ZNF385D: variants seen among roughly 807,000 people sequenced by gnomAD.
The protein encoded by ZNF385D is zinc finger protein 385D, also known as zinc finger protein 659.
In ZNF385D, 15 loss-of-function variants were observed where a neutral mutation model predicts 35.8. That is an observed-to-expected ratio of 0.42 (90% CI 0.28 to 0.64). ZNF385D has a LOEUF of 0.64. Among genes scored for constraint, ZNF385D ranks in the 30% least tolerant of loss-of-function variants. The pLI, the probability that ZNF385D is intolerant of heterozygous loss-of-function variation, is 0.23. For synonymous variants in ZNF385D, 212 were observed against 186.8 expected (o/e 1.13, Z -1.10); for missense variants, 474 against 494.6 (o/e 0.96, Z 0.39).
intron 3 of ZNF385D, among the ~76,000 whole-genome samples, chr3:21,977,912 G>A (rs1193318256): frequency 6.6e-6 from 1 of 152,094 alleles, no homozygotes; most frequent in East Asian, 1.9e-4. Context: ...GTAGAATGCA[G>A]GCTGTTTAAG....
At position 21,641,547 on chromosome 3, in the gene ZNF385D, C is replaced by T. The variant is rs531538190; in HGVS notation, c.165+23339G>A. On this transcript the variant is annotated intron_variant, in intron 2 of 7. Coordinates refer to ENST00000281523, the MANE Select transcript of ZNF385D (RefSeq NM_024697.3). ...TTGTTATACCATTATTACATCTCTC[C>T]GTTCTCTCTATTAACACATATCACC... Among the ~76,000 whole-genome samples the T allele has an allele frequency of 2.5e-3, 377 of 151,496 alleles. 3 individuals carry two copies. Among genetic ancestry groups the T allele is most frequent in the Non-Finnish European group, 3.0e-3 (207 of 67,940 alleles).
At chr3:21,886,281 G>A (rs1451917819) in intron 3 of ZNF385D, among the ~76,000 whole-genome samples, 1 of 151,988 alleles carries the variant, frequency 6.6e-6, no homozygotes, top group African/African-American at 2.4e-5. Flanking sequence ...CTTCCTCTAA[G>A]TCATAGTATA....
At chr3:21,816,601 A>C (rs1445420581) in intron 3 of ZNF385D, among the ~76,000 whole-genome samples, 3 of 152,208 alleles carry the variant, frequency 2.0e-5, no homozygotes, top group African/African-American at 4.8e-5. Context: ...CAAGGAGAAT[A>C]AGATACCTAG....
intron 3 of ZNF385D, among the ~76,000 whole-genome samples, chr3:22,005,055 G>A (rs1463785973): frequency 2.9e-4 from 4 of 13,958 alleles, no homozygotes; most frequent in Admixed American, 1.2e-3. Flanking sequence ...CCACTCAGCA[G>A]CAAAAAAAAA....
At chr3:21,912,760 A>C (rs978602285) in intron 3 of ZNF385D, among the ~76,000 whole-genome samples, 2 of 152,062 alleles carry the variant, frequency 1.3e-5, no homozygotes, top group Non-Finnish European at 2.9e-5. Flanking sequence ...AATTCAAGCT[A>C]CATTTGGACC....
At chr3:21,815,666 T>A (rs981089397) in intron 3 of ZNF385D, among the ~76,000 whole-genome samples, 2 of 152,082 alleles carry the variant, frequency 1.3e-5, no homozygotes, top group African/African-American at 4.8e-5. Flanking sequence ...AATAGCAGGC[T>A]CTGAAATTGA....
rs796380397 is a variant in ZNF385D, at chr3:22,226,169, GTTTCCA to G, written c.107-57140_107-57135del. On this transcript the variant is annotated intron_variant, in intron 2 of 5. Coordinates refer to the ZNF385D transcript ENST00000494108. ...TAAGTACTGTTCATTTTATATCAAT[GTTTCCA>G]TTTCCAAGTTTGATCCTATATAAAA... 3.4e-4 allele frequency among the ~76,000 whole-genome samples: 52 copies of G among 151,822 alleles called. 1 individual carries two copies. The highest frequency in any genetic ancestry group is 1.2e-3 in the African/African-American group (48 of 41,448).
intron 1 of ZNF385D, among the ~76,000 whole-genome samples, chr3:21,724,377 C>T (rs2068664849): frequency 6.7e-6 from 1 of 149,982 alleles, no homozygotes; most frequent in Non-Finnish European, 1.5e-5. Flanking sequence ...GAGTCAAGAC[C>T]CATCAATGTG....
intron 5 of ZNF385D, among the ~76,000 whole-genome samples, chr3:21,434,665 A>C (rs572218554): frequency 1.3e-5 from 2 of 152,258 alleles, no homozygotes; most frequent in Admixed American, 1.3e-4. Flanking sequence ...AACAGCAACT[A>C]TTTATGTGTC....
At position 22,221,188 on chromosome 3, in the gene ZNF385D, TAC is replaced by T. The variant is rs534541608; in HGVS notation, c.107-52155_107-52154del. Among the ~76,000 whole-genome samples, 34 of 152,254 alleles carry T rather than the reference TAC, an allele frequency of 2.2e-4. 1 individual carries two copies. The South Asian group carries it at 6.2e-3, about 28-fold the overall frequency. Reference sequence around the variant, plus strand: ...ACACACAGAAACATATATGCATACCTACACACAGATACATGTATACATACATT... The same window carrying T: ...ACACACAGAAACATATATGCATACCTACACAGATACATGTATACATACATT... On this transcript the variant is annotated intron_variant, in intron 2 of 5. Transcript: ENST00000494108.
intron 3 of ZNF385D, among the ~76,000 whole-genome samples, chr3:22,111,825 C>A (rs1281232537): frequency 6.6e-6 from 1 of 152,154 alleles, no homozygotes; most frequent in African/African-American, 2.4e-5. Context: ...AGCTAACTCA[C>A]TGTTCTATTG....
At chr3:21,800,497 T>A (rs1352671636) in intron 3 of ZNF385D, among the ~76,000 whole-genome samples, 3 of 152,164 alleles carry the variant, frequency 2.0e-5, no homozygotes, top group Admixed American at 1.3e-4. Flanking sequence ...TAAAAGCTGG[T>A]CATACTGGCA....
chr3:21,566,051 A>G (rs1347040933), intron 2 of ZNF385D, among the ~76,000 whole-genome samples: 1 of 152,076 alleles, frequency 6.6e-6, no homozygotes, highest in Admixed American at 6.6e-5. Context: ...CACAACTCCT[A>G]TTAGGTTGTC....
At chr3:21,907,952 A>C (rs1302436343) in intron 3 of ZNF385D, among the ~76,000 whole-genome samples, 1 of 152,126 alleles carries the variant, frequency 6.6e-6, no homozygotes, top group East Asian at 1.9e-4. Context: ...AAGGATAAGC[A>C]AACTATAGAA....
At chr3:21,491,862 T>C (rs1015019384) in intron 4 of ZNF385D, among the ~76,000 whole-genome samples, 3 of 152,192 alleles carry the variant, frequency 2.0e-5, no homozygotes, top group African/African-American at 7.2e-5. Flanking sequence ...TTTACCATGC[T>C]GGAACCTAAA....
At chr3:22,030,271 A>ATATATT (rs1333028821) in intron 3 of ZNF385D, among the ~76,000 whole-genome samples, 6 of 95,564 alleles carry the variant, frequency 6.3e-5, no homozygotes. Flanking sequence ...ATATATATAT[A>ATATATT]TATATATATA....
intron 3 of ZNF385D, among the ~76,000 whole-genome samples, chr3:22,065,897 T>C (rs1172768028): frequency 6.6e-6 from 1 of 152,182 alleles, no homozygotes; most frequent in East Asian, 1.9e-4. Flanking sequence ...GATAAAGACA[T>C]CACGGATCAC....
chr3:21,859,875 C>G (rs1336545137), intron 3 of ZNF385D, among the ~76,000 whole-genome samples: 1 of 151,932 alleles, frequency 6.6e-6, no homozygotes, highest in South Asian at 2.1e-4. Context: ...CAGATCTTCC[C>G]GAAGATTCAT....
chr3:22,110,494 C>T lies in ZNF385D; in HGVS notation c.325+58323G>A, dbSNP rs555340281. Among the ~76,000 whole-genome samples the T allele has an allele frequency of 2.4e-4, 36 of 152,074 alleles. No homozygotes were observed. In the South Asian group the frequency reaches 3.5e-3, roughly 15 times the overall value. On this transcript the variant is annotated intron_variant, in intron 3 of 5. Transcript: ENST00000494108. ...TGAGTTCATGTCCTTTGTAGGGACACGGACGAAGCTGGAAACCATCATTCT... is the reference window on the plus strand; with the variant it reads ...TGAGTTCATGTCCTTTGTAGGGACATGGACGAAGCTGGAAACCATCATTCT...
Sources: gnomAD v4.1 joint callset for allele counts (sites outside exome capture counted in the v4.1 genomes callset) on GRCh38, gnomAD v4.1.1 for gene constraint, MANE v1.5 for transcripts, NCBI Gene and HGNC (gene_info 2026-07-23, HGNC 2026-07-21) for gene names.